Variants in OTOGL observed in about 807,000 individuals in gnomAD.
The protein encoded by OTOGL is otogelin like, also known as otogelin-like protein.
OTOGL carries 285 observed loss-of-function variants against 318.5 expected under a neutral mutation model. The observed-to-expected ratio is 0.89, with a 90% CI of 0.81 to 0.99. The LOEUF (loss-of-function observed/expected upper bound fraction) is 0.99. Ranked by LOEUF, OTOGL falls within the 50% of genes least tolerant of loss-of-function variation. The probability of loss-of-function intolerance (pLI) is 0.00; values close to 1 mark genes in which losing one functional copy is unlikely to be tolerated. For missense variants in OTOGL, 2,899 were observed against 2,845.6 expected, an observed-to-expected ratio of 1.02 and a Z score of -0.43; for synonymous variants, 987 against 936.5, an observed-to-expected ratio of 1.05 and a Z score of -0.99.
intron 26 of OTOGL, among the ~76,000 whole-genome samples, chr12:80,293,814 A>G (rs924194102): frequency 6.6e-6 from 1 of 152,112 alleles, no homozygotes; most frequent in Admixed American, 6.5e-5. Flanking sequence ...TTTCTGCAAC[A>G]TTGAAGTCCC....
intron 18 of OTOGL, among the ~76,000 whole-genome samples, chr12:80,258,757 G>T (rs1476338150): frequency 6.6e-6 from 1 of 152,020 alleles, no homozygotes; most frequent in East Asian, 1.9e-4. Flanking sequence ...ATCTAAAATA[G>T]TTGAAATCAC....
intron 29 of OTOGL, among the ~76,000 whole-genome samples, chr12:80,307,768 G>A (rs1298647042): frequency 7.6e-5 from 11 of 144,790 alleles, no homozygotes; most frequent in Middle Eastern, 4.0e-3. Flanking sequence ...CTCCCGGACG[G>A]GGTGGCTGGC....
chr12:80,102,857 T>C, intron 1 of OTOGL: 1 of 728,096 alleles, frequency 1.4e-6, no homozygotes, highest in Non-Finnish European at 2.4e-6. Flanking sequence ...CTTTTTTTTC[T>C]CCTTTGTTTC....
chr12:80,347,309 C>A (rs1462411442), intron 44 of OTOGL, among the ~76,000 whole-genome samples: 3 of 152,050 alleles, frequency 2.0e-5, no homozygotes, highest in African/African-American at 2.4e-5. Context: ...TCCCCCACCC[C>A]CCGACGGGTT....
At chr12:80,199,038 C>T (rs1019942003) in intron 1 of OTOGL, among the ~76,000 whole-genome samples, 1 of 152,142 alleles carries the variant, frequency 6.6e-6, no homozygotes, top group Non-Finnish European at 1.5e-5. Flanking sequence ...TACATATATG[C>T]ATGCACACAA....
chr12:80,281,410 T>C (rs11834723), intron 26 of OTOGL, among the ~76,000 whole-genome samples: 2,480 of 152,012 alleles, frequency 0.016, 65 homozygotes, highest in African/African-American at 0.056. Context: ...ATGAAGGATG[T>C]TGAATTTTAT....
At position 80,174,708 on chromosome 12, in the gene OTOGL, T is replaced by A. The variant is rs145437231; in HGVS notation, c.-19-34705T>A. Among the ~76,000 whole-genome samples the A allele has an allele frequency of 9.7e-3, 1,481 of 152,294 alleles. 52 individuals carry two copies. The highest frequency in any genetic ancestry group is 0.085 in the Admixed American group (1,303 of 15,292). On this transcript the variant is annotated intron_variant, in intron 1 of 58. Coordinates refer to ENST00000547103, the MANE Select transcript of OTOGL (RefSeq NM_001378609.3). Reference sequence around the variant, plus strand: ...TAGCTTAATCTTGGAAGATATCATATCTAATCATCTTTCCAAAATTGTGCT... The same window carrying A: ...TAGCTTAATCTTGGAAGATATCATAACTAATCATCTTTCCAAAATTGTGCT...
chr12:80,366,511 T>TTTTATATATATATATATATATATA (rs1555304841), intron 52 of OTOGL, 63 bp from the exon 53 acceptor site: 1 of 171,304 alleles, frequency 5.8e-6, no homozygotes, highest in South Asian at 1.9e-4. Flanking sequence ...TATATATAGG[T>TTTTATATATATATATATATATATA]TATATATATA....
chr12:80,136,995 G>A (rs1871616862), intron 1 of OTOGL, among the ~76,000 whole-genome samples: 1 of 151,972 alleles, frequency 6.6e-6, no homozygotes, highest in Admixed American at 6.5e-5. Context: ...ATAAGTGTTT[G>A]TTGGCTGGAT....
At chr12:80,217,838 T>C (rs771136981) in intron 5 of OTOGL, among the ~76,000 whole-genome samples, 174 bp downstream of exon 5, 2 of 152,226 alleles carry the variant, frequency 1.3e-5, no homozygotes, top group African/African-American at 2.4e-5. Context: ...GAATTGTTTC[T>C]GAGAATAACC....
At chr12:80,178,813 C>A (rs976421797) in intron 1 of OTOGL, among the ~76,000 whole-genome samples, 3 of 152,160 alleles carry the variant, frequency 2.0e-5, no homozygotes, top group African/African-American at 7.2e-5. Flanking sequence ...ATAAATCGTT[C>A]TTTTATCCTT....
chr12:80,232,976 A>G lies in OTOGL; in HGVS notation c.696A>G (p.Ser232=). ...YILVKTTFGF[S]LAWDGISGIY... Reference sequence around the variant, plus strand: ...TTGTGAAAACAACCTTTGGCTTTTCATTGGCTTGGGACGGGATATCTGGGA... The same window carrying G: ...TTGTGAAAACAACCTTTGGCTTTTCGTTGGCTTGGGACGGGATATCTGGGA... Residue 232 remains serine, a synonymous_variant, in exon 9 of 59, where the codon TCA becomes TCG. Coordinates refer to ENST00000547103, the MANE Select transcript of OTOGL (RefSeq NM_001378609.3). 6.3e-7 allele frequency: 1 copy of G among 1,599,108 alleles called. No individual in the cohort carries two copies. The highest frequency in any genetic ancestry group is 8.5e-7 in the Non-Finnish European group (1 of 1,179,414).
At chr12:80,126,825 G>A (rs1870874991) in intron 1 of OTOGL, among the ~76,000 whole-genome samples, 1 of 152,036 alleles carries the variant, frequency 6.6e-6, no homozygotes, top group Admixed American at 6.6e-5. Context: ...GATCTTTGTT[G>A]GTTTAAAGTC....
At chr12:80,099,835 T>C (rs141659466) in intron 1 of OTOGL, among the ~76,000 whole-genome samples, 1 of 152,328 alleles carries the variant, frequency 6.6e-6, no homozygotes, top group East Asian at 1.9e-4. Flanking sequence ...CTTCCTTTGA[T>C]AAATCTAAGA....
intron 1 of OTOGL, among the ~76,000 whole-genome samples, chr12:80,166,477 C>G (rs1367578874): frequency 2.0e-5 from 3 of 152,100 alleles, no homozygotes; most frequent in Non-Finnish European, 4.4e-5. Context: ...TCTCTTTTCA[C>G]CTTCTTCACT....
rs374776393 is a variant in OTOGL, at chr12:80,257,938, G to A, written c.1825G>A (p.Ala609Thr). 85 of 1,597,836 alleles carry A rather than the reference G, an allele frequency of 5.3e-5. No homozygotes were observed. The highest frequency in any genetic ancestry group is 9.3e-5 in the African/African-American group (7 of 74,912). ...GERIYIQLTS[A>T]WKRRTLGLCG... ...AAGAATTTATATTCAGCTTACTAGC[G>A]CATGGAAAAGAAGAACATTAGGTCT... The change falls in exon 18 of 59, where the codon GCA (alanine) becomes ACA (threonine). Residue 609 changes from alanine (A) to threonine (T), a missense_variant. This residue lies in a region of OTOGL where 2,607 missense variants were observed against 2,524.9 expected (regional missense o/e 1.03). Coordinates refer to ENST00000547103, the MANE Select transcript of OTOGL (RefSeq NM_001378609.3).
intron 1 of OTOGL, among the ~76,000 whole-genome samples, chr12:80,130,164 C>T (rs967830167): frequency 1.3e-5 from 2 of 152,086 alleles, no homozygotes; most frequent in Admixed American, 1.3e-4. Context: ...CCAATTTTTT[C>T]CCCAAAACAA....
intron 43 of OTOGL, 104 bp downstream of exon 43, chr12:80,339,368 G>C (rs12303901): frequency 8.8e-6 from 8 of 907,106 alleles, no homozygotes; most frequent in Non-Finnish European, 1.3e-5. Flanking sequence ...CCATTTTTCA[G>C]ATTTGAGATG....
At chr12:80,326,144 G>A (rs1887665526) in intron 35 of OTOGL, among the ~76,000 whole-genome samples, 1 of 152,096 alleles carries the variant, frequency 6.6e-6, no homozygotes, top group Admixed American at 6.6e-5. Context: ...CTGAGCTGGG[G>A]TTTCAGTATG....
Sources: allele counts gnomAD v4.1 joint callset (sites outside exome capture counted in the v4.1 genomes callset), GRCh38; gene constraint gnomAD v4.1.1; regional missense constraint gnomAD v4.1.1; transcripts MANE v1.5; gene names NCBI Gene and HGNC (gene_info 2026-07-23, HGNC 2026-07-21).